Variants in SH3D21 observed in about 807,000 individuals in gnomAD.
The protein encoded by SH3D21 is SH3 domain-containing protein 21.
A neutral mutation model predicts 82.1 loss-of-function variants in SH3D21; 83 were observed. The observed-to-expected ratio is 1.01, with a 90% CI of 0.85 to 1.21. The LOEUF is 1.21. Ranked by LOEUF, SH3D21 falls within the 50% of genes most tolerant of loss-of-function variation. The pLI is 0.00. For synonymous variants in SH3D21, 383 were observed against 387.8 expected (o/e 0.99, Z 0.15); for missense variants, 980 against 962.1 (o/e 1.02, Z -0.25).
intron 10 of SH3D21, among the ~76,000 whole-genome samples, chr1:36,318,814 C>T (rs2124694231): frequency 6.6e-6 from 1 of 151,816 alleles, no homozygotes; most frequent in Admixed American, 6.6e-5. Context: ...GAGGCTGAGG[C>T]AGAAGAATGG....
At chr1:36,308,801 G>A (rs1298873800) in intron 9 of SH3D21, among the ~76,000 whole-genome samples, 1 of 152,094 alleles carries the variant, frequency 6.6e-6, no homozygotes, top group African/African-American at 2.4e-5. Context: ...TGGCCAACAT[G>A]GTGAAACCCC....
downstream of SH3D21, chr1:36,322,928 A>C (rs767105755): frequency 1.9e-6 from 3 of 1,600,812 alleles, no homozygotes; most frequent in Admixed American, 1.7e-5. Flanking sequence ...GATGGTGGTC[A>C]GGGAAGGGTT....
downstream of SH3D21, among the ~76,000 whole-genome samples, chr1:36,327,264 C>T (rs1350407839): frequency 6.6e-6 from 1 of 152,222 alleles, no homozygotes; most frequent in African/African-American, 2.4e-5. Flanking sequence ...CCTGTTTCTT[C>T]AAGGGGTGTA....
rs373017302 is a variant in SH3D21, at chr1:36,314,094, C to T, written c.769+4504C>T. On this transcript the variant is annotated intron_variant, in intron 10 of 15. Transcript: ENST00000453908. ...GGTTCACGCCATTCTCCTGCCTCAG[C>T]CTCTCCGAGTAGCTGGGACTACAGG... Among the ~76,000 whole-genome samples, 183 of 147,812 alleles carry T rather than the reference C, an allele frequency of 1.2e-3. 1 individual carries two copies. Among genetic ancestry groups the T allele is most frequent in the African/African-American group, 4.0e-3 (161 of 40,416 alleles).
rs770732708 is a variant in SH3D21 at position 36,319,170 on chromosome 1, G to A, written c.863+6G>A. On this transcript the variant is annotated splice_donor_region_variant and intron_variant, in intron 11 of 15. Coordinates refer to ENST00000453908, the MANE Select transcript of SH3D21 (RefSeq NM_001162530.2). ...ACTGGGCCCAGCAAAGCCAAGTAAG[G>A]AGCAGGATGGGGTTGGGGGAAGGAG... 2.9e-5 allele frequency: 45 copies of A among 1,551,058 alleles called. No homozygotes were observed. In the South Asian group the frequency reaches 5.1e-4, roughly 18 times the overall value.
At chr1:36,321,547 ACCCC>A, downstream of SH3D21, 1 of 716,376 alleles carries the variant, frequency 1.4e-6, no homozygotes, top group Non-Finnish European at 1.8e-6. The surrounding 1 kb of genome is among the most constrained non-coding windows in gnomAD (Gnocchi z 6.1). Context: ...GCCAGCTCGG[ACCCC>A]TCCCAGCTGG....
At chr1:36,322,099 A>G, downstream of SH3D21, 1 of 1,356,722 alleles carries the variant, frequency 7.4e-7, no homozygotes, top group South Asian at 1.8e-5. Flanking sequence ...GGGAGTGGGG[A>G]CCCTGCATGC....
chr1:36,327,629 G>A (rs897811064), downstream of SH3D21: 1 of 1,182,572 alleles, frequency 8.5e-7, no homozygotes, highest in Non-Finnish European at 1.1e-6. Flanking sequence ...GTATGACTCA[G>A]CCCTAGTGGA....
intron 10 of SH3D21, among the ~76,000 whole-genome samples, chr1:36,317,321 C>A (rs1646361453): frequency 6.6e-6 from 1 of 152,346 alleles, no homozygotes; most frequent in East Asian, 1.9e-4. Flanking sequence ...AATTCAGAGC[C>A]TGGTGTCTGG....
chr1:36,307,743 C>G lies in SH3D21; in HGVS notation c.437-27C>G. 6.5e-7 allele frequency: 1 copy of G among 1,550,360 alleles called. No homozygotes were observed. Among genetic ancestry groups the G allele is most frequent in the Non-Finnish European group, 8.7e-7 (1 of 1,146,180 alleles). On this transcript the variant is annotated intron_variant, in intron 5 of 15. Transcript: ENST00000453908. This position sits in a 1 kb window ranked among gnomAD's most constrained non-coding sequence, Gnocchi z 5.4. ...ATGACCTAACCTGTGAATTAGCACC[C>G]TCCCTAACCTCACTGTCCCCCACTA...
Position 36,321,189 on chromosome 1 carries a change from G to A in SH3D21, c.*62G>A. 6.4e-7 allele frequency: 1 copy of A among 1,570,774 alleles called. No homozygotes were observed. The highest frequency in any genetic ancestry group is 1.4e-5 in the African/African-American group (1 of 73,986). The stretch of plus-strand genomic sequence containing the variant: ...TGGGGCCACCCACGTCCTTGCACAC[G>A]ACTTTGGGAAACGCGAGAAAGTAAA... On this transcript the variant is annotated 3_prime_UTR_variant, in exon 16 of 16. Coordinates refer to ENST00000453908, the MANE Select transcript of SH3D21 (RefSeq NM_001162530.2). The surrounding 1 kb of genome is among the most constrained non-coding windows in gnomAD (Gnocchi z 6.1).
At chr1:36,323,328 G>A (rs1317650786), downstream of SH3D21, 1 of 391,068 alleles carries the variant, frequency 2.6e-6, no homozygotes, top group Non-Finnish European at 4.6e-6. Flanking sequence ...CGGTTCCGCC[G>A]TCCCGGGGCG....
chr1:36,324,867 T>C (rs1646525968), downstream of SH3D21: 1 of 152,202 alleles, frequency 6.6e-6, no homozygotes, highest in Non-Finnish European at 1.5e-5. Context: ...TATAAATCTG[T>C]GCAGCCACTA....
downstream of SH3D21, chr1:36,321,721 C>A: frequency 2.0e-6 from 2 of 1,013,190 alleles, no homozygotes; most frequent in Non-Finnish European, 2.4e-6. The surrounding 1 kb of genome is among the most constrained non-coding windows in gnomAD (Gnocchi z 6.1). Context: ...TGTGTCATTG[C>A]AGTGTATGAA....
At chr1:36,321,821 CTG>C (rs952957924), downstream of SH3D21, 18 of 1,012,026 alleles carry the variant, frequency 1.8e-5, no homozygotes, top group South Asian at 1.3e-4. This position sits in a 1 kb window ranked among gnomAD's most constrained non-coding sequence, Gnocchi z 6.1. Context: ...CGCGCTTGCT[CTG>C]TGTGTGAGGC....
intron 10 of SH3D21, among the ~76,000 whole-genome samples, chr1:36,309,900 T>G (rs1444509082): frequency 6.6e-6 from 1 of 152,216 alleles, no homozygotes; most frequent in East Asian, 1.9e-4. Flanking sequence ...TTCATGTGTC[T>G]TATGTGTCAG....
chr1:36,327,470 C>T (rs1334993481), downstream of SH3D21, among the ~76,000 whole-genome samples: 1 of 152,222 alleles, frequency 6.6e-6, no homozygotes. Context: ...ATGTGTGCTC[C>T]TCTATGTGCA....
intron 13 of SH3D21, 68 bp downstream of exon 13, chr1:36,319,604 C>T (rs1050816083): frequency 1.5e-5 from 23 of 1,549,240 alleles, no homozygotes; most frequent in Admixed American, 2.0e-5. Flanking sequence ...GTGGTGTGCA[C>T]GGGTGAAGTC....
chr1:36,327,578 G>T (rs1350738097), downstream of SH3D21: 1 of 957,286 alleles, frequency 1.0e-6, no homozygotes, highest in Non-Finnish European at 1.4e-6. Flanking sequence ...GTATGTTTGT[G>T]TCTGGGTTGG....
Sources: gnomAD v4.1 joint callset for allele counts (sites outside exome capture counted in the v4.1 genomes callset) on GRCh38, gnomAD v4.1.1 for gene constraint, Gnocchi (gnomAD v3.1) non-coding constraint, MANE v1.5 for transcripts, NCBI Gene and HGNC (gene_info 2026-07-23, HGNC 2026-07-21) for gene names.